The following SMIM14 variants were observed in gnomAD, a reference collection of about 807,000 sequenced individuals.
SMIM14 encodes chromosome 4 open reading frame 34.
SMIM14 carries 5 observed loss-of-function variants against 12.6 expected under a neutral mutation model. The ratio of observed to expected loss-of-function variants is 0.40; its 90% CI spans 0.21 to 0.83. The LOEUF is 0.83. Ranked by LOEUF, SMIM14 falls within the 40% of genes least tolerant of loss-of-function variation. SMIM14 has a pLI of 0.37. For missense variants in SMIM14, 86 were observed against 119.1 expected (o/e 0.72, Z 1.29); for synonymous variants, 30 against 40.1 (o/e 0.75, Z 0.95).
intron 2 of SMIM14, among the ~76,000 whole-genome samples, chr4:39,599,963 T>C (rs900963852): frequency 1.3e-4 from 19 of 143,486 alleles, no homozygotes; most frequent in African/African-American, 4.9e-4. Flanking sequence ...AAAAAGAGGG[T>C]AAAAGATAAT....
At position 39,550,470 on chromosome 4, in the gene SMIM14, T is replaced by G. The variant is rs894310805; in HGVS notation, c.*1656A>C. 2.6e-5 allele frequency: 4 copies of G among 152,108 alleles called. No homozygotes were observed. Among genetic ancestry groups the G allele is most frequent in the Non-Finnish European group, 4.4e-5 (3 of 68,020 alleles). 9.4% of individuals were successfully genotyped at this position (152,108 alleles called of 1,614,324 possible). On this transcript the variant is annotated 3_prime_UTR_variant, in exon 5 of 5. Coordinates refer to ENST00000295958, the MANE Select transcript of SMIM14 (RefSeq NM_174921.3). ...CTAATTTTTGCATTTTTAGTAGAGA[T>G]AAGGTTTCACCATGTTGGTCAGGCT...
chr4:39,592,554 C>G (rs1714158495), intron 2 of SMIM14: 1 of 151,884 alleles, frequency 6.6e-6, no homozygotes, highest in South Asian at 2.1e-4. Context: ...CAAATCCTAC[C>G]AATTTATAAA....
At position 39,583,284 on chromosome 4, in the gene SMIM14, G is replaced by C. The variant is rs114707317; in HGVS notation, c.76-10821C>G. Among the ~76,000 whole-genome samples the C allele has an allele frequency of 5.0e-3, 757 of 152,026 alleles. 9 individuals are homozygous for C. Among genetic ancestry groups the C allele is most frequent in the African/African-American group, 0.017 (712 of 41,386 alleles). ...TTTATTTTATTTTATTATTTTTAGA[G>C]ACAAGGTCTCACTGTGTTGCCCAGG... On this transcript the variant is annotated intron_variant, in intron 2 of 4. Transcript: ENST00000295958.
chr4:39,602,297 A>G (rs1714648718), intron 2 of SMIM14, among the ~76,000 whole-genome samples: 1 of 151,548 alleles, frequency 6.6e-6, no homozygotes, highest in South Asian at 2.1e-4. Context: ...GGAAAAGCCT[A>G]TTAGAAAAGA....
intron 2 of SMIM14, among the ~76,000 whole-genome samples, chr4:39,604,574 C>T (rs1036173791): frequency 2.0e-5 from 3 of 151,608 alleles, no homozygotes; most frequent in Admixed American, 6.6e-5. Flanking sequence ...ATAATAAAGA[C>T]GGTAGTCTGT....
chr4:39,617,519 T>C (rs1326862209), intron 1 of SMIM14, among the ~76,000 whole-genome samples: 2 of 152,210 alleles, frequency 1.3e-5, no homozygotes, highest in African/African-American at 4.8e-5. Flanking sequence ...TTAAACCCTG[T>C]CTTACCCTCT....
At chr4:39,605,357 C>T (rs1298406307) in intron 1 of SMIM14, among the ~76,000 whole-genome samples, 177 bp from the exon 2 acceptor site, 1 of 152,082 alleles carries the variant, frequency 6.6e-6, no homozygotes, top group African/African-American at 2.4e-5. Context: ...TGAATCTATA[C>T]AGGTGATTGG....
intron 4 of SMIM14, among the ~76,000 whole-genome samples, chr4:39,552,496 G>T (rs1172871262): frequency 6.6e-6 from 1 of 152,166 alleles, no homozygotes; most frequent in African/African-American, 2.4e-5. Flanking sequence ...TCAAACCTAT[G>T]AAAATATCTT....
chr4:39,613,918 G>A (rs998250190), intron 1 of SMIM14, among the ~76,000 whole-genome samples: 6 of 152,060 alleles, frequency 3.9e-5, no homozygotes, highest in African/African-American at 7.2e-5. Flanking sequence ...AGCCAGGCAC[G>A]GTGGGCTCAT....
At chr4:39,625,820 AG>A (rs1715675678) in intron 1 of SMIM14, among the ~76,000 whole-genome samples, 1 of 152,274 alleles carries the variant, frequency 6.6e-6, no homozygotes, top group African/African-American at 2.4e-5. Context: ...AAGAGACTAC[AG>A]CAGGCAAGAA....
At chr4:39,607,539 G>A (rs1056240906) in intron 1 of SMIM14, among the ~76,000 whole-genome samples, 1 of 152,138 alleles carries the variant, frequency 6.6e-6, no homozygotes, top group Non-Finnish European at 1.5e-5. Context: ...AGGATCACTT[G>A]AGCTCAGGAG....
At chr4:39,603,730 G>A (rs1427653623) in intron 2 of SMIM14, among the ~76,000 whole-genome samples, 5 of 151,906 alleles carry the variant, frequency 3.3e-5, no homozygotes, top group African/African-American at 1.2e-4. Flanking sequence ...CTTTACATAG[G>A]CCAGGCGCAG....
At chr4:39,607,447 C>T (rs1714856108) in intron 1 of SMIM14, among the ~76,000 whole-genome samples, 1 of 152,136 alleles carries the variant, frequency 6.6e-6, no homozygotes, top group South Asian at 2.1e-4. Flanking sequence ...AGTGCTTATG[C>T]TAAGCCTATT....
At chr4:39,622,005 G>C (rs997796099) in intron 1 of SMIM14, among the ~76,000 whole-genome samples, 2 of 150,784 alleles carry the variant, frequency 1.3e-5, no homozygotes, top group Non-Finnish European at 3.0e-5. Flanking sequence ...TAATAATATG[G>C]AGAAATGATC....
intron 2 of SMIM14, among the ~76,000 whole-genome samples, chr4:39,575,699 C>T (rs1285916545): frequency 2.0e-5 from 3 of 151,710 alleles, no homozygotes; most frequent in Non-Finnish European, 4.4e-5. Context: ...ATCCTCCTAC[C>T]TTAGCCTCCT....
Position 39,550,030 on chromosome 4 carries a change from T to A in SMIM14, c.*2096A>T, listed in dbSNP as rs376746886. The A allele has an allele frequency of 3.3e-5, 5 of 152,288 alleles. No individual in the cohort carries two copies. The highest frequency in any genetic ancestry group is 1.2e-4 in the African/African-American group (5 of 41,560). The allele number at this position is 152,288 out of a possible 1,614,324, so 9.4% of individuals were successfully genotyped here. ...CCCTTACAATGTTTATGATCTAGAA[T>A]GTAATCATAATAAAGGGGGGAAAAT... On this transcript the variant is annotated 3_prime_UTR_variant, in exon 5 of 5. Transcript: ENST00000295958.
rs368918298 is a variant in SMIM14, at chr4:39,561,887, C to G, written c.125-5317G>C. Among the ~76,000 whole-genome samples, 37 of 152,128 alleles carry G rather than the reference C, an allele frequency of 2.4e-4. 1 individual carries two copies. The East Asian group carries it at 7.2e-3, about 30-fold the overall frequency. On this transcript the variant is annotated intron_variant, in intron 3 of 4. Coordinates refer to ENST00000295958, the MANE Select transcript of SMIM14 (RefSeq NM_174921.3). ...AAGACAGGTCGCAGTGAGCCGAGAT[C>G]GTGCCACTGCACTCCAGCCTGGGCA...
At chr4:39,582,304 G>T (rs1185236079) in intron 2 of SMIM14, among the ~76,000 whole-genome samples, 2 of 152,122 alleles carry the variant, frequency 1.3e-5, no homozygotes, top group Non-Finnish European at 2.9e-5. Context: ...GTATTTAACT[G>T]GATCTTTCCT....
intron 2 of SMIM14, among the ~76,000 whole-genome samples, chr4:39,603,071 C>A (rs960769906): frequency 6.6e-6 from 1 of 152,060 alleles, no homozygotes; most frequent in African/African-American, 2.4e-5. Flanking sequence ...CTCTTTGGAG[C>A]ATTTTGTATT....
Sources: gnomAD v4.1 joint callset for allele counts (sites outside exome capture counted in the v4.1 genomes callset) on GRCh38, gnomAD v4.1.1 for gene constraint, MANE v1.5 for transcripts, NCBI Gene and HGNC (gene_info 2026-07-23, HGNC 2026-07-21) for gene names.